Variants in CLASP1 observed in about 807,000 individuals in gnomAD.
CLASP1 encodes cytoplasmic linker associated protein 1.
Under a neutral mutation model 192.3 loss-of-function variants are expected in CLASP1, and 38 were observed. The observed-to-expected ratio is 0.20, with a 90% CI of 0.15 to 0.26. The LOEUF (loss-of-function observed/expected upper bound fraction) is 0.26, where lower values mean the gene tolerates loss of function less well. CLASP1 is among the 10% of genes least tolerant of loss of function. CLASP1 has a pLI of 1.00. For missense variants in CLASP1, 1,433 were observed against 1,932.5 expected (o/e 0.74, Z 4.85); for synonymous variants, 691 against 712.8 (o/e 0.97, Z 0.49).
intron 1 of CLASP1, among the ~76,000 whole-genome samples, chr2:121,645,168 T>C (rs905404164): frequency 2.6e-5 from 4 of 152,310 alleles, no homozygotes; most frequent in Non-Finnish European, 4.4e-5. Context: ...TGGTACCTGA[T>C]GCTCAATTCA....
chr2:121,608,918 G>A (rs1416180485), intron 1 of CLASP1, among the ~76,000 whole-genome samples: 1 of 152,140 alleles, frequency 6.6e-6, no homozygotes, highest in Non-Finnish European at 1.5e-5. Flanking sequence ...TGAGGTGTCA[G>A]CTTCTGTGCT....
At chr2:121,469,596 G>A (rs1436150691) in intron 9 of CLASP1, among the ~76,000 whole-genome samples, 1 of 152,148 alleles carries the variant, frequency 6.6e-6, no homozygotes, top group Non-Finnish European at 1.5e-5. Context: ...ACTAGAATGT[G>A]GCAAAAGTCA....
exon 40 of CLASP1, chr2:121,338,457 C>A (rs1270486605): frequency 6.6e-6 from 1 of 152,248 alleles, no homozygotes; most frequent in Non-Finnish European, 1.5e-5. Flanking sequence ...GACAGGGAGG[C>A]AGAGACAGGC....
chr2:121,430,975 T>TAA (rs763487123), intron 19 of CLASP1, among the ~76,000 whole-genome samples: 3 of 144,222 alleles, frequency 2.1e-5, no homozygotes, highest in Admixed American at 6.7e-5. Context: ...CGATTAAACT[T>TAA]TAAAAAAAAA....
rs114867645 is a variant in CLASP1, at chr2:121,538,835, G to C, written c.196-8510C>G. On this transcript the variant is annotated intron_variant, in intron 2 of 39. Transcript: ENST00000263710. ...AAGGTGCATTATAAAATTAAGTTTT[G>C]CAAGACTAATACAAAGCCAATATAT... Among the ~76,000 whole-genome samples the C allele has an allele frequency of 8.6e-3, 1,294 of 150,146 alleles. 20 individuals carry two copies. Among genetic ancestry groups the C allele is most frequent in the African/African-American group, 0.03 (1,247 of 40,992 alleles).
chr2:121,392,704 C>T (rs942108949), intron 30 of CLASP1, among the ~76,000 whole-genome samples: 1 of 152,222 alleles, frequency 6.6e-6, no homozygotes, highest in African/African-American at 2.4e-5. Flanking sequence ...AACCCACCTT[C>T]TTTCTATCAG....
chr2:121,406,236 G>T (rs1270811915), intron 25 of CLASP1, among the ~76,000 whole-genome samples: 1 of 152,064 alleles, frequency 6.6e-6, no homozygotes, highest in African/African-American at 2.4e-5. Context: ...TACTTTTTTG[G>T]TATGTGTAAT....
chr2:121,616,853 T>C (rs2066551205), intron 1 of CLASP1, among the ~76,000 whole-genome samples: 1 of 152,192 alleles, frequency 6.6e-6, no homozygotes, highest in East Asian at 1.9e-4. Context: ...TATTGAACTA[T>C]GCTAACTACT....
chr2:121,622,636 T>G (rs2067571259), intron 1 of CLASP1, among the ~76,000 whole-genome samples: 2 of 152,210 alleles, frequency 1.3e-5, no homozygotes, highest in African/African-American at 2.4e-5. Context: ...TTTTATTCTT[T>G]TTGACGCTAC....
intron 1 of CLASP1, among the ~76,000 whole-genome samples, chr2:121,611,158 G>A (rs1470008887): frequency 6.0e-5 from 9 of 148,874 alleles, no homozygotes; most frequent in Admixed American, 4.7e-4. Flanking sequence ...ACTGGAGGAG[G>A]AGGAGTTGGA....
At chr2:121,497,630 A>G (rs1190390554) in intron 8 of CLASP1, among the ~76,000 whole-genome samples, 1 of 152,338 alleles carries the variant, frequency 6.6e-6, no homozygotes, top group African/African-American at 2.4e-5. Context: ...TTTAATGGCT[A>G]ATTAGTAGAC....
chr2:121,632,340 G>A (rs565804028), intron 1 of CLASP1, among the ~76,000 whole-genome samples: 1 of 152,150 alleles, frequency 6.6e-6, no homozygotes. Flanking sequence ...GTTAAGGCAC[G>A]TAACTTTTAA....
Position 121,647,347 on chromosome 2 carries a change from G to A in CLASP1, c.-286+2025C>T, listed in dbSNP as rs149592426. Among the ~76,000 whole-genome samples the A allele has an allele frequency of 7.1e-3, 1,077 of 152,214 alleles. 14 individuals are homozygous for A. The highest frequency in any genetic ancestry group is 0.039 in the Admixed American group (591 of 15,288). On this transcript the variant is annotated intron_variant, in intron 1 of 39. Transcript: ENST00000263710. ...TGCACCATTGCACTTCAGCCTGGGC[G>A]ACAAGAGTGAAACTCTGTTTCAAAA... is the stretch of plus-strand genomic sequence containing the variant.
intron 38 of CLASP1, 60 bp downstream of exon 39, chr2:121,348,452 A>C: frequency 1.9e-5 from 28 of 1,449,882 alleles, no homozygotes; most frequent in Non-Finnish European, 2.5e-5. Flanking sequence ...CCCTTACATT[A>C]CTTCAAGTTA....
intron 32 of CLASP1, among the ~76,000 whole-genome samples, chr2:121,384,169 T>TACAC (rs35612382): frequency 2.4e-4 from 34 of 142,462 alleles, no homozygotes; most frequent in Middle Eastern, 3.6e-3. Flanking sequence ...TATATATATA[T>TACAC]ACACACACAC....
chr2:121,487,902 A>T (rs2093074497), intron 8 of CLASP1, among the ~76,000 whole-genome samples: 3 of 152,046 alleles, frequency 2.0e-5, no homozygotes, highest in African/African-American at 7.3e-5. Context: ...TTGGGTTAAA[A>T]CTCAACAATA....
At position 121,382,064 on chromosome 2, in the gene CLASP1, C is replaced by T. The variant is rs2071810982; in HGVS notation, c.3491+144G>A. 40 of 683,650 alleles carry T rather than the reference C, an allele frequency of 5.9e-5. No individual in the cohort carries two copies. In the East Asian group the frequency reaches 1.1e-3, roughly 18 times the overall value. The allele number at this position is 683,650 out of a possible 1,614,324, so 42.3% of individuals were successfully genotyped here. On this transcript the variant is annotated intron_variant, in intron 33 of 39. Coordinates refer to ENST00000263710, the Ensembl canonical transcript of CLASP1. ...AGATCACACACCTGCTCACACTTCT[C>T]ACCAAGGCTCTACTCCTGCTATGTG...
In CLASP1 at chr2:121,462,954, A is replaced by G. The variant is rs571106586; in HGVS notation, c.866-349T>C. Among the ~76,000 whole-genome samples, 6 of 152,340 alleles carry G rather than the reference A, an allele frequency of 3.9e-5. No individual in the cohort carries two copies. The South Asian group carries it at 1.2e-3, about 32-fold the overall frequency. ...GATCAAGCAGAAAATTTAATTCATC[A>G]GGGAATAACTTAAATTGTTATTACT... On this transcript the variant is annotated intron_variant, in intron 9 of 39. Coordinates refer to ENST00000263710, the Ensembl canonical transcript of CLASP1.
chr2:121,577,777 T>C (rs2060669693), intron 2 of CLASP1, among the ~76,000 whole-genome samples: 1 of 152,166 alleles, frequency 6.6e-6, no homozygotes, highest in Non-Finnish European at 1.5e-5. Flanking sequence ...TAACTAGATA[T>C]TCAAAACATG....
Sources: gnomAD v4.1 joint callset for allele counts (sites outside exome capture counted in the v4.1 genomes callset) on GRCh38, gnomAD v4.1.1 for gene constraint, MANE v1.5 for transcripts, NCBI Gene and HGNC (gene_info 2026-07-23, HGNC 2026-07-21) for gene names.